Variants in SLC24A3 observed in about 807,000 individuals in gnomAD.
The protein encoded by SLC24A3 is solute carrier family 24 member 3.
In SLC24A3, 28 loss-of-function variants were observed where a neutral mutation model predicts 75.8. That is an observed-to-expected ratio of 0.37 (90% CI 0.27 to 0.51). The LOEUF is 0.51. Ranked by LOEUF, SLC24A3 falls within the 20% of genes least tolerant of loss-of-function variation. SLC24A3 has a pLI of 0.94. For synonymous variants in SLC24A3, 372 were observed against 334.1 expected, an observed-to-expected ratio of 1.11 and a Z score of -1.24; for missense variants, 663 against 847.8, an observed-to-expected ratio of 0.78 and a Z score of 2.71.
intron 6 of SLC24A3, among the ~76,000 whole-genome samples, chr20:19,618,312 G>A (rs1484628868): frequency 6.6e-6 from 1 of 152,186 alleles, no homozygotes; most frequent in Non-Finnish European, 1.5e-5. Flanking sequence ...ACTTCTGGAG[G>A]CTGGAAGTCT....
At chr20:19,387,768 T>C (rs1273485518) in intron 2 of SLC24A3, among the ~76,000 whole-genome samples, 5 of 152,208 alleles carry the variant, frequency 3.3e-5, no homozygotes, top group East Asian at 3.8e-4. Context: ...ATTTCTTGTG[T>C]GCTTGAAAAG....
At chr20:19,352,468 G>A (rs545897253) in intron 2 of SLC24A3, among the ~76,000 whole-genome samples, 4 of 152,272 alleles carry the variant, frequency 2.6e-5, no homozygotes, top group Admixed American at 1.3e-4. Context: ...AGTAGGTGCA[G>A]TGTGGAGAGC....
At chr20:19,278,412 A>G (rs894830526) in intron 1 of SLC24A3, among the ~76,000 whole-genome samples, 1 of 152,172 alleles carries the variant, frequency 6.6e-6, no homozygotes, top group African/African-American at 2.4e-5. Context: ...CCACCTTCTC[A>G]CAAATCCTTC....
intron 1 of SLC24A3, among the ~76,000 whole-genome samples, chr20:19,235,794 T>C (rs1485139700): frequency 6.6e-6 from 1 of 152,184 alleles, no homozygotes; most frequent in Admixed American, 6.5e-5. Context: ...AGTTTCTCCA[T>C]TACCTACAAG....
At chr20:19,608,211 T>C (rs2031623496) in intron 6 of SLC24A3, among the ~76,000 whole-genome samples, 1 of 152,264 alleles carries the variant, frequency 6.6e-6, no homozygotes, top group African/African-American at 2.4e-5. Context: ...GATGATAGTC[T>C]TTAATAGACT....
chr20:19,609,602 T>C (rs1340979961), intron 6 of SLC24A3, among the ~76,000 whole-genome samples: 1 of 152,084 alleles, frequency 6.6e-6, no homozygotes, highest in Non-Finnish European at 1.5e-5. Flanking sequence ...GTGTGTGTTG[T>C]TCCCCTCCCT....
At chr20:19,542,344 T>C (rs1464399281) in intron 3 of SLC24A3, among the ~76,000 whole-genome samples, 2 of 152,240 alleles carry the variant, frequency 1.3e-5, no homozygotes, top group Non-Finnish European at 2.9e-5. Flanking sequence ...AATCTGTCTC[T>C]GGACTTCCTC....
In SLC24A3 at chr20:19,296,889, A is replaced by G. The variant is rs145352398; in HGVS notation, c.271+15802A>G. Among the ~76,000 whole-genome samples, 892 of 152,324 alleles carry G rather than the reference A, an allele frequency of 5.9e-3. 10 individuals are homozygous for G. Among genetic ancestry groups the G allele is most frequent in the African/African-American group, 0.02 (847 of 41,572 alleles). On this transcript the variant is annotated intron_variant, in intron 2 of 16. Coordinates refer to ENST00000328041, the MANE Select transcript of SLC24A3 (RefSeq NM_020689.4). ...AATGGAAGAGAACTGAAAACATAAC[A>G]AAGAGTCTCTCAGACCATGGCTCAA...
At chr20:19,285,244 A>G (rs1368064443) in intron 2 of SLC24A3, among the ~76,000 whole-genome samples, 2 of 152,158 alleles carry the variant, frequency 1.3e-5, no homozygotes, top group African/African-American at 4.8e-5. Flanking sequence ...TTGGGAGCCC[A>G]AGGCGGGTGG....
intron 6 of SLC24A3, among the ~76,000 whole-genome samples, chr20:19,597,504 T>C (rs933363485): frequency 6.6e-6 from 1 of 152,242 alleles, no homozygotes; most frequent in African/African-American, 2.4e-5. Flanking sequence ...GCATAGAATA[T>C]ATAATAATCA....
chr20:19,332,097 T>C (rs1026950109), intron 2 of SLC24A3, among the ~76,000 whole-genome samples: 2 of 152,248 alleles, frequency 1.3e-5, no homozygotes, highest in African/African-American at 4.8e-5. Context: ...CTTGCAGGGC[T>C]GGACCATCTA....
rs557842897 is a variant in SLC24A3, at chr20:19,217,030, G to A, written c.142+4046G>A. Among the ~76,000 whole-genome samples, 36 of 152,314 alleles carry A rather than the reference G, an allele frequency of 2.4e-4. No individual in the cohort carries two copies. The East Asian group carries it at 5.0e-3, about 21-fold the overall frequency. ...GGGCTGCCAACCAGAACACCCACAC[G>A]TGGCCTCTCCATGCGATCTCTTTAT... On this transcript the variant is annotated intron_variant, in intron 1 of 16. Transcript: ENST00000328041.
intron 1 of SLC24A3, among the ~76,000 whole-genome samples, chr20:19,277,647 G>A (rs534908170): frequency 6.6e-6 from 1 of 152,280 alleles, no homozygotes; most frequent in African/African-American, 2.4e-5. Context: ...CACTTTTGTT[G>A]AGATAAAAGT....
intron 3 of SLC24A3, among the ~76,000 whole-genome samples, chr20:19,555,567 C>G (rs1349064819): frequency 3.9e-5 from 6 of 152,200 alleles, no homozygotes; most frequent in Admixed American, 2.6e-4. Flanking sequence ...TTAAAGAGAT[C>G]TGCTTCTGCT....
chr20:19,418,099 A>G (rs908313374), intron 2 of SLC24A3, among the ~76,000 whole-genome samples: 4 of 152,222 alleles, frequency 2.6e-5, no homozygotes, highest in African/African-American at 9.6e-5. Flanking sequence ...TCAACATTTT[A>G]GCTCCTCACT....
chr20:19,373,729 A>G (rs1401747518), intron 2 of SLC24A3, among the ~76,000 whole-genome samples: 1 of 152,134 alleles, frequency 6.6e-6, no homozygotes, highest in African/African-American at 2.4e-5. Flanking sequence ...GAGGGGAGAA[A>G]TTTAGTGGAG....
intron 16 of SLC24A3, among the ~76,000 whole-genome samples, chr20:19,719,276 CTG>C (rs1182726842): frequency 1.3e-5 from 2 of 152,034 alleles, no homozygotes; most frequent in East Asian, 3.9e-4. Flanking sequence ...TGTTATCTGA[CTG>C]TAAAGAAAGG....
chr20:19,512,044 A>T (rs113171947), intron 2 of SLC24A3, among the ~76,000 whole-genome samples: 14,734 of 152,216 alleles, frequency 0.097, 779 homozygotes, highest in South Asian at 0.1. Context: ...CGCTCCATTC[A>T]CAAGCTGTGC....
intron 9 of SLC24A3, among the ~76,000 whole-genome samples, chr20:19,676,685 T>C (rs1185713959): frequency 6.6e-6 from 1 of 152,242 alleles, no homozygotes; most frequent in Non-Finnish European, 1.5e-5. Context: ...TAAATGACTT[T>C]AAACATTCTA....
Sources: allele counts gnomAD v4.1 joint callset (sites outside exome capture counted in the v4.1 genomes callset), GRCh38; gene constraint gnomAD v4.1.1; transcripts MANE v1.5; gene names NCBI Gene and HGNC (gene_info 2026-07-23, HGNC 2026-07-21).